Variants in TMC5 observed in about 807,000 individuals in gnomAD.
The protein encoded by TMC5 is transmembrane channel like 5, also known as transmembrane channel-like protein 5.
TMC5 carries 86 observed loss-of-function variants against 110.5 expected under a neutral mutation model. That is an observed-to-expected ratio of 0.78 (90% CI 0.65 to 0.93). The LOEUF (loss-of-function observed/expected upper bound fraction) is 0.93. Among genes scored for constraint, TMC5 ranks in the 40% least tolerant of loss-of-function variants. The pLI is 0.00. For missense variants in TMC5, 1,144 were observed against 1,222.8 expected, an observed-to-expected ratio of 0.94 and a Z score of 0.96; for synonymous variants, 455 against 439.5, an observed-to-expected ratio of 1.04 and a Z score of -0.44.
Position 19,440,325 on chromosome 16 carries a change from G to A in TMC5, c.287G>A (p.Arg96Lys). 4 of 1,614,070 alleles carry A rather than the reference G, an allele frequency of 2.5e-6. No individual in the cohort carries two copies. The highest frequency in any genetic ancestry group is 3.4e-6 in the Non-Finnish European group (4 of 1,180,016). ...AGCAATGCATACTCTGCAGCCTCTA[G>A]AACAAGCCCAGACCATCCTACCTCT... ...TRSNAYSAAS[R>K]TSPDHPTSLP... The change falls in exon 3 of 22, where the codon AGA (arginine) becomes AAA (lysine). Residue 96 changes from arginine to lysine, a missense_variant. Arg to Lys is a conservative substitution (Grantham distance 26, BLOSUM62 2). Coordinates refer to ENST00000542583, the MANE Select transcript of TMC5 (RefSeq NM_001261841.2).
chr16:19,431,729 C>T (rs1967201142), intron 2 of TMC5, among the ~76,000 whole-genome samples: 1 of 152,038 alleles, frequency 6.6e-6, no homozygotes, highest in Non-Finnish European at 1.5e-5. Context: ...AAAAATTAAC[C>T]TTTGGACAAT....
chr16:19,439,856 C>T (rs1967438785), intron 2 of TMC5, 104 bp from the exon 3 acceptor site: 1 of 592,192 alleles, frequency 1.7e-6, no homozygotes, highest in African/African-American at 1.9e-5. Flanking sequence ...AGTTGTGTAC[C>T]TGACTACGAA....
At chr16:19,452,591 C>A (rs1967775013) in intron 5 of TMC5, among the ~76,000 whole-genome samples, 1 of 152,150 alleles carries the variant, frequency 6.6e-6, no homozygotes, top group Non-Finnish European at 1.5e-5. Context: ...GTGGCATGTG[C>A]CTGTAGTCCC....
At chr16:19,469,103 G>T (rs535026568) in intron 9 of TMC5, among the ~76,000 whole-genome samples, 1 of 152,286 alleles carries the variant, frequency 6.6e-6, no homozygotes, top group African/African-American at 2.4e-5. Context: ...GTGGTCATTT[G>T]CTATAGCAGC....
intron 8 of TMC5, 82 bp from the exon 9 acceptor site, chr16:19,466,000 G>T (rs950205293): frequency 6.8e-7 from 1 of 1,469,992 alleles, no homozygotes; most frequent in East Asian, 2.3e-5. Context: ...TTGTATTCAG[G>T]AGAGGTCAAC....
intron 1 of TMC5, among the ~76,000 whole-genome samples, chr16:19,428,770 CAAAA>C (rs1967136857): frequency 6.6e-6 from 1 of 151,994 alleles, no homozygotes; most frequent in African/African-American, 2.4e-5. Context: ...AACAAACAAA[CAAAA>C]AGGACAAGAG....
upstream of TMC5, among the ~76,000 whole-genome samples, chr16:19,416,574 A>G (rs2143325949): frequency 6.6e-6 from 1 of 152,236 alleles, no homozygotes; most frequent in East Asian, 1.9e-4. Context: ...TATAGTTCCC[A>G]CTTTGTAGGT....
At chr16:19,471,822 G>A (rs190517207) in intron 10 of TMC5, among the ~76,000 whole-genome samples, 2 of 152,122 alleles carry the variant, frequency 1.3e-5, no homozygotes, top group African/African-American at 4.8e-5. Context: ...GTGCAGTGGT[G>A]CCATCTCTCC....
rs1452589387 is a variant in TMC5 at position 19,460,229 on chromosome 16, T to G, written c.1049-6T>G. The G allele has an allele frequency of 1.3e-6, 2 of 1,596,494 alleles. No individual in the cohort carries two copies. The highest frequency in any genetic ancestry group is 2.7e-5 in the African/African-American group (2 of 74,180). On this transcript the variant is annotated splice_region_variant and splice_polypyrimidine_tract_variant and intron_variant, in intron 5 of 21. Coordinates refer to ENST00000542583, the MANE Select transcript of TMC5 (RefSeq NM_001261841.2). ...AGAAATTAAATTCCATTAATTTCTT[T>G]CATAGGACAGAAGTTAATCGCATCC...
At chr16:19,427,826 C>G (rs115826025) in intron 1 of TMC5, among the ~76,000 whole-genome samples, 3,967 of 149,160 alleles carry the variant, frequency 0.027, 206 homozygotes, top group African/African-American at 0.092. Context: ...ACTTGAGAAC[C>G]ACTGCTCTAG....
At chr16:19,492,843 C>T (rs1217982484) in intron 19 of TMC5, among the ~76,000 whole-genome samples, 1 of 149,754 alleles carries the variant, frequency 6.7e-6, no homozygotes, top group African/African-American at 2.4e-5. Context: ...GCAGGTGCCA[C>T]TCCATCTGGC....
At position 19,440,184 on chromosome 16, in the gene TMC5, G is replaced by A. The variant is rs754219323; in HGVS notation, c.146G>A (p.Gly49Asp). Reference sequence around the variant, plus strand: ...CCTCTGAACAATCCAGACTACCCCGGCACCAGGAGCAATCCATACTCTGTA... The same window carrying A: ...CCTCTGAACAATCCAGACTACCCCGACACCAGGAGCAATCCATACTCTGTA... ...PGPLNNPDYP[G>D]TRSNPYSVAS... Residue 49 changes from glycine (G) to aspartate (D), a missense_variant, in exon 3 of 22, where the codon GGC (glycine) becomes GAC (aspartate). Transcript: ENST00000542583. 5.6e-6 allele frequency: 9 copies of A among 1,614,012 alleles called. No homozygotes were observed. The highest frequency in any genetic ancestry group is 2.7e-5 in the African/African-American group (2 of 74,894).
At chr16:19,436,260 T>A (rs1357554752) in intron 2 of TMC5, among the ~76,000 whole-genome samples, 3 of 8,326 alleles carry the variant, frequency 3.6e-4, no homozygotes, top group Non-Finnish European at 7.0e-4. Flanking sequence ...AGAGCAAAAG[T>A]TCGTCTCAAA....
chr16:19,429,636 A>T (rs938039673), intron 1 of TMC5, among the ~76,000 whole-genome samples: 17 of 152,246 alleles, frequency 1.1e-4, no homozygotes, highest in African/African-American at 4.1e-4. Context: ...TCTGTCCAAG[A>T]TCAGGTGCCT....
At chr16:19,438,908 G>A (rs183401239) in intron 2 of TMC5, among the ~76,000 whole-genome samples, 1 of 152,326 alleles carries the variant, frequency 6.6e-6, no homozygotes, top group East Asian at 1.9e-4. Context: ...GGTTCTGAGG[G>A]ACTTAGGTGC....
chr16:19,490,481 C>T lies in TMC5; in HGVS notation c.2660C>T (p.Thr887Ile), dbSNP rs2143752346. 1.9e-6 allele frequency: 3 copies of T among 1,614,146 alleles called. No homozygotes were observed. The highest frequency in any genetic ancestry group is 1.1e-5 in the South Asian group (1 of 91,082). The change falls in exon 18 of 22, where the codon ACA (threonine) becomes ATA (isoleucine). Residue 887 changes from threonine (T) to isoleucine (I), a missense_variant. Transcript: ENST00000542583. ...TACAGCTGGATCGACACCCTAAGTA[C>T]ACGGCCTGGCTACCTGTGGGTTGTT... ...SIYSWIDTLS[T>I]RPGYLWVVWI...
At chr16:19,476,792 TAC>T (rs1253002642) in intron 12 of TMC5, 1 of 152,906 alleles carries the variant, frequency 6.5e-6, no homozygotes, top group Non-Finnish European at 1.5e-5. Flanking sequence ...TCGTGTTATA[TAC>T]ACAGTGTGGA....
chr16:19,418,840 G>A (rs909481623), intron 1 of TMC5, among the ~76,000 whole-genome samples: 1 of 150,700 alleles, frequency 6.6e-6, no homozygotes, highest in Non-Finnish European at 1.5e-5. Context: ...CAATCCTCCT[G>A]CTTCAGCCTT....
At chr16:19,411,367 T>A (rs1966855434) in intron 1 of TMC5, 1 of 152,222 alleles carries the variant, frequency 6.6e-6, no homozygotes, top group Non-Finnish European at 1.5e-5. Flanking sequence ...TCTGTGAGCC[T>A]TGTTTGCTTC....
Sources: gnomAD v4.1 joint callset for allele counts (sites outside exome capture counted in the v4.1 genomes callset) on GRCh38, gnomAD v4.1.1 for gene constraint, MANE v1.5 for transcripts, NCBI Gene and HGNC (gene_info 2026-07-23, HGNC 2026-07-21) for gene names.